KCNQ3: variants seen among roughly 807,000 people sequenced by gnomAD.
KCNQ3 encodes potassium voltage-gated channel subfamily KQT member 3.
In KCNQ3, 30 loss-of-function variants were observed where a neutral mutation model predicts 92.5. That is an observed-to-expected ratio of 0.32 (90% CI 0.24 to 0.44). The LOEUF (loss-of-function observed/expected upper bound fraction) is 0.44. Ranked by LOEUF, KCNQ3 falls within the 20% of genes least tolerant of loss-of-function variation. The pLI is 1.00. For missense variants in KCNQ3, 913 were observed against 1,140.3 expected (o/e 0.80, Z 2.87); for synonymous variants, 450 against 468.8 (o/e 0.96, Z 0.52).
intron 1 of KCNQ3, among the ~76,000 whole-genome samples, chr8:132,189,237 C>T (rs984632890): frequency 7.9e-5 from 12 of 152,210 alleles, no homozygotes; most frequent in Non-Finnish European, 1.5e-4. Context: ...CATGCCTTGC[C>T]TCCAGAGCCT....
At chr8:132,456,168 G>A (rs891335043) in intron 1 of KCNQ3, among the ~76,000 whole-genome samples, 140 of 152,180 alleles carry the variant, frequency 9.2e-4, no homozygotes, top group African/African-American at 3.3e-3. Context: ...AAAACTCTCA[G>A]CTCCAAAAAG....
chr8:132,386,644 T>G (rs1377436940), intron 1 of KCNQ3, among the ~76,000 whole-genome samples: 2 of 152,122 alleles, frequency 1.3e-5, no homozygotes, highest in African/African-American at 4.8e-5. Context: ...ATTAAAGAGG[T>G]TTATTTCTAT....
chr8:132,339,151 C>T (rs1818447925), intron 1 of KCNQ3, among the ~76,000 whole-genome samples: 2 of 152,126 alleles, frequency 1.3e-5, no homozygotes, highest in African/African-American at 2.4e-5. Context: ...CAATCTATTC[C>T]CCTCTCTAGG....
At chr8:132,341,501 C>T (rs371745218) in intron 1 of KCNQ3, among the ~76,000 whole-genome samples, 1 of 152,200 alleles carries the variant, frequency 6.6e-6, no homozygotes, top group Non-Finnish European at 1.5e-5. Context: ...GGTCTTATGG[C>T]CCTTCCATCT....
intron 9 of KCNQ3, among the ~76,000 whole-genome samples, chr8:132,141,719 T>C (rs1825303153): frequency 6.6e-6 from 1 of 152,184 alleles, no homozygotes; most frequent in South Asian, 2.1e-4. Flanking sequence ...CAGATAGTGA[T>C]TTACACAGAC....
intron 1 of KCNQ3, among the ~76,000 whole-genome samples, chr8:132,232,216 T>C (rs941397145): frequency 6.6e-6 from 1 of 152,196 alleles, no homozygotes; most frequent in Non-Finnish European, 1.5e-5. Flanking sequence ...AGCATTACTG[T>C]AGCACCAGAG....
At chr8:132,402,160 G>T (rs552469944) in intron 1 of KCNQ3, among the ~76,000 whole-genome samples, 1 of 152,160 alleles carries the variant, frequency 6.6e-6, no homozygotes, top group African/African-American at 2.4e-5. Flanking sequence ...GAGCGTGTCC[G>T]TGTGTGGGCA....
chr8:132,302,554 C>T (rs1027366847), intron 1 of KCNQ3, among the ~76,000 whole-genome samples: 2 of 152,210 alleles, frequency 1.3e-5, no homozygotes. Context: ...CACAGGCCTG[C>T]TGAGGGCAAG....
chr8:132,466,877 G>A (rs921668127), intron 1 of KCNQ3, among the ~76,000 whole-genome samples: 2 of 152,138 alleles, frequency 1.3e-5, no homozygotes, highest in Admixed American at 6.5e-5. Flanking sequence ...GGGGAAAAAC[G>A]TCTCTAAAGA....
At chr8:132,429,617 T>C (rs1378921037) in intron 1 of KCNQ3, among the ~76,000 whole-genome samples, 3 of 152,118 alleles carry the variant, frequency 2.0e-5, no homozygotes, top group Non-Finnish European at 4.4e-5. Flanking sequence ...TCCCAGCACG[T>C]TGGGAAGCCA....
intron 1 of KCNQ3, among the ~76,000 whole-genome samples, chr8:132,461,112 G>C (rs947795171): frequency 2.0e-5 from 3 of 152,190 alleles, no homozygotes; most frequent in African/African-American, 7.2e-5. Context: ...TTATTGTATG[G>C]ATGTACAATG....
rs1824464364 is a variant in KCNQ3 at position 132,121,369 on chromosome 8, C to T, written c.*7893G>A. The T allele has an allele frequency of 6.6e-6, 1 of 152,054 alleles. No homozygotes were observed. Among genetic ancestry groups the T allele is most frequent in the Admixed American group, 6.6e-5 (1 of 15,264 alleles). The allele number at this position is 152,054 out of a possible 1,614,324, so 9.4% of individuals were successfully genotyped here. On this transcript the variant is annotated 3_prime_UTR_variant, in exon 15 of 15. Transcript: ENST00000388996. The stretch of plus-strand genomic sequence containing the variant: ...AAGGACTGACAAATCTGATGAAGTC[C>T]ACCTATCTTTCTAAGTTGATTTTTC...
intron 1 of KCNQ3, among the ~76,000 whole-genome samples, chr8:132,445,737 G>T (rs1587027896): frequency 1.5e-5 from 2 of 131,434 alleles, no homozygotes; most frequent in African/African-American, 5.9e-5. Flanking sequence ...TATGTGTCAG[G>T]CATTTCCCAT....
At chr8:132,299,765 T>A (rs947730875) in intron 1 of KCNQ3, among the ~76,000 whole-genome samples, 1 of 137,658 alleles carries the variant, frequency 7.3e-6, no homozygotes, top group Non-Finnish European at 1.6e-5. Context: ...GCCTCTTCCA[T>A]AATCAGATAT....
intron 1 of KCNQ3, among the ~76,000 whole-genome samples, chr8:132,299,654 C>A (rs185431565): frequency 6.6e-6 from 1 of 152,238 alleles, no homozygotes; most frequent in East Asian, 1.9e-4. Context: ...ATATTTAATC[C>A]TTTGGAGGCA....
intron 1 of KCNQ3, among the ~76,000 whole-genome samples, chr8:132,239,837 C>T (rs1020480420): frequency 1.3e-5 from 2 of 152,108 alleles, no homozygotes; most frequent in African/African-American, 2.4e-5. Context: ...TTTCTATGTT[C>T]GGAGAAAAAT....
At chr8:132,272,208 T>C (rs1172738035) in intron 1 of KCNQ3, among the ~76,000 whole-genome samples, 1 of 152,194 alleles carries the variant, frequency 6.6e-6, no homozygotes, top group African/African-American at 2.4e-5. Flanking sequence ...TGGGATGAAG[T>C]AGATTAACAG....
chr8:132,403,112 A>G (rs544700564), intron 1 of KCNQ3, among the ~76,000 whole-genome samples: 3 of 151,292 alleles, frequency 2.0e-5, no homozygotes, highest in Non-Finnish European at 2.9e-5. Flanking sequence ...TTGTTTGTGG[A>G]GGGGGCAAGG....
At position 132,125,308 on chromosome 8, in the gene KCNQ3, A is replaced by T. The variant is rs910121804; in HGVS notation, c.*3954T>A. The T allele has an allele frequency of 6.6e-6, 1 of 152,128 alleles. No individual in the cohort carries two copies. Among genetic ancestry groups the T allele is most frequent in the Non-Finnish European group, 1.5e-5 (1 of 68,032 alleles). The allele number at this position is 152,128 out of a possible 1,614,324, so 9.4% of individuals were successfully genotyped here. On this transcript the variant is annotated 3_prime_UTR_variant, in exon 15 of 15. Coordinates refer to ENST00000388996, the MANE Select transcript of KCNQ3 (RefSeq NM_004519.4). ...AACCTTTGCTCTCATTTTCATGTTC[A>T]ATTTTCTATAGTTTCCAAGCTAGGA...
Sources: gnomAD v4.1 joint callset for allele counts (sites outside exome capture counted in the v4.1 genomes callset) on GRCh38, gnomAD v4.1.1 for gene constraint, MANE v1.5 for transcripts, NCBI Gene and HGNC (gene_info 2026-07-23, HGNC 2026-07-21) for gene names.